TDRD12: variants seen among roughly 807,000 people sequenced by gnomAD.
TDRD12 encodes tudor domain containing 12.
In TDRD12, 158 loss-of-function variants were observed where a neutral mutation model predicts 133.5. The observed-to-expected ratio is 1.18, with a 90% CI of 1.04 to 1.35. TDRD12 has a LOEUF of 1.35. TDRD12 is among the 40% of genes most tolerant of loss of function. The pLI is 0.00. For synonymous variants in TDRD12, 460 were observed against 477.9 expected (o/e 0.96, Z 0.49); for missense variants, 1,443 against 1,321.3 (o/e 1.09, Z -1.43).
intron 9 of TDRD12, among the ~76,000 whole-genome samples, 176 bp downstream of exon 32, chr19:32,826,925 C>T (rs1967611789): frequency 6.6e-6 from 1 of 152,186 alleles, no homozygotes; most frequent in Admixed American, 6.5e-5. Context: ...GAGTACTTTT[C>T]AACCCTTGGT....
rs796987656 is a variant in TDRD12, at chr19:32,819,230, T to C, written c.3383+1073T>C. On this transcript the variant is annotated intron_variant, in intron 27 of 27. Coordinates refer to ENST00000444215, the Ensembl canonical transcript of TDRD12. ...TACTTGGGACACTGAGGTGGGAAGATTGGTTGAGCCCAGGAGGTTTAGGCT... is the reference window on the plus strand; with the variant it reads ...TACTTGGGACACTGAGGTGGGAAGACTGGTTGAGCCCAGGAGGTTTAGGCT... Among the ~76,000 whole-genome samples the C allele has an allele frequency of 1.4e-4, 21 of 151,776 alleles. 1 individual carries two copies. Among genetic ancestry groups the C allele is most frequent in the African/African-American group, 5.1e-4 (21 of 41,354 alleles).
At chr19:32,799,122 G>C (rs1230484719) in intron 16 of TDRD12, among the ~76,000 whole-genome samples, 1 of 152,196 alleles carries the variant, frequency 6.6e-6, no homozygotes, top group African/African-American at 2.4e-5. Context: ...GAGGCTTTGA[G>C]CTCTTGTAAG....
At chr19:32,758,349 C>T (rs967937194) in intron 8 of TDRD12, among the ~76,000 whole-genome samples, 1 of 151,980 alleles carries the variant, frequency 6.6e-6, no homozygotes, top group African/African-American at 2.4e-5. Flanking sequence ...AGCAAACACA[C>T]CACTCAAAGG....
At chr19:32,747,868 C>T (rs1259628342) in intron 4 of TDRD12, among the ~76,000 whole-genome samples, 5 of 151,980 alleles carry the variant, frequency 3.3e-5, no homozygotes, top group Admixed American at 1.3e-4. Context: ...TTTTTTTAAT[C>T]GCTGAGTGTG....
intron 8 of TDRD12, among the ~76,000 whole-genome samples, chr19:32,765,942 T>A (rs1970285820): frequency 6.6e-6 from 1 of 152,016 alleles, no homozygotes; most frequent in Non-Finnish European, 1.5e-5. Flanking sequence ...TATGTCCTCA[T>A]GATGAATTGA....
At chr19:32,792,182 G>C (rs755975506) in intron 13 of TDRD12, among the ~76,000 whole-genome samples, 8 of 151,928 alleles carry the variant, frequency 5.3e-5, no homozygotes, top group Non-Finnish European at 1.2e-4. Flanking sequence ...GGAGGCAGAG[G>C]TTGCAGTGAG....
intron 13 of TDRD12, among the ~76,000 whole-genome samples, chr19:32,792,066 T>G (rs1227250024): frequency 1.3e-5 from 2 of 151,646 alleles, no homozygotes; most frequent in Non-Finnish European, 2.9e-5. Context: ...GCCAACATGG[T>G]GAAACCCCGT....
At chr19:32,721,334 C>G (rs1968655547) in intron 1 of TDRD12, among the ~76,000 whole-genome samples, 1 of 152,098 alleles carries the variant, frequency 6.6e-6, no homozygotes, top group African/African-American at 2.4e-5. Flanking sequence ...TTCAGTGGGC[C>G]CAGGAGCTGG....
chr19:32,749,241 A>G (rs927457816), intron 5 of TDRD12, among the ~76,000 whole-genome samples: 1 of 151,992 alleles, frequency 6.6e-6, no homozygotes, highest in Non-Finnish European at 1.5e-5. Flanking sequence ...CTGCTGGGAG[A>G]TGAGAATGCG....
chr19:32,815,724 G>T lies in TDRD12; in HGVS notation c.3314+104G>T, dbSNP rs62126517. On this transcript the variant is annotated intron_variant, in intron 26 of 27. Coordinates refer to ENST00000444215, the Ensembl canonical transcript of TDRD12. ...GAAAGTAGAAGAGTTGGCTGGGTGC[G>T]GTGGCTCACACCTGTAATCCCAGCA... The T allele has an allele frequency of 2.6e-6, 3 of 1,143,054 alleles. No individual in the cohort carries two copies. In the East Asian group the frequency reaches 7.8e-5, roughly 30 times the overall value. 70.8% of individuals were successfully genotyped at this position (1,143,054 alleles called of 1,614,324 possible). A position where few individuals can be genotyped will look rare whatever the true frequency, so the allele number is the denominator to read the frequency against.
rs142292603 is a variant in TDRD12 at position 32,800,170 on chromosome 19, T to A, written c.1762T>A (p.Phe588Ile). 89 of 1,457,920 alleles carry A rather than the reference T, an allele frequency of 6.1e-5. No individual in the cohort carries two copies. The African/African-American group carries it at 9.2e-4, about 15-fold the overall frequency. 90.3% of individuals were successfully genotyped at this position (1,457,920 alleles called of 1,614,324 possible). Reference sequence around the variant, plus strand: ...ATTAATTATGCTAATTTTTCAGATGTTTGCTATATTAGATAACTTTAAAAA... The same window carrying A: ...ATTAATTATGCTAATTTTTCAGATGATTGCTATATTAGATAACTTTAAAAA... The change falls in exon 17 of 28, where the codon TTT becomes ATT. Residue 588 changes from phenylalanine to isoleucine, a missense_variant. Coordinates refer to ENST00000444215, the Ensembl canonical transcript of TDRD12.
chr19:32,794,221 G>T (rs535394014), intron 13 of TDRD12, among the ~76,000 whole-genome samples: 1 of 144,378 alleles, frequency 6.9e-6, no homozygotes, highest in African/African-American at 2.6e-5. Context: ...TTCTCCTGCC[G>T]CAGCCTCCAG....
At chr19:32,742,550 C>T (rs935440379) in intron 3 of TDRD12, among the ~76,000 whole-genome samples, 1 of 152,140 alleles carries the variant, frequency 6.6e-6, no homozygotes. Flanking sequence ...GTGCCATATC[C>T]GTGCTTTATG....
chr19:32,806,246 TTAAAGA>T (rs1333825310), intron 21 of TDRD12, among the ~76,000 whole-genome samples: 3 of 152,250 alleles, frequency 2.0e-5, no homozygotes. Context: ...TGGATTGAAT[TTAAAGA>T]TAACTGTTGA....
chr19:32,721,398 T>TG (rs1442802635), intron 1 of TDRD12, among the ~76,000 whole-genome samples: 1 of 152,004 alleles, frequency 6.6e-6, no homozygotes, highest in African/African-American at 2.4e-5. Context: ...TTCATTTATT[T>TG]TTTTGAGATG....
intron 11 of TDRD12, among the ~76,000 whole-genome samples, chr19:32,778,461 G>T (rs1158009792): frequency 4.6e-5 from 7 of 151,766 alleles, no homozygotes; most frequent in Admixed American, 6.6e-5. Flanking sequence ...TTATAACCTG[G>T]CAAATTAACC....
exon 10 of TDRD12, chr19:32,827,372 C>CTTT (rs549327733): frequency 8.2e-4 from 100 of 122,380 alleles, no homozygotes; most frequent in East Asian, 2.4e-3. Flanking sequence ...CTTTTCTTTT[C>CTTT]TTTTTTTTTT....
exon 18 of TDRD12, chr19:32,800,674 ACTT>A (rs757029158): frequency 2.0e-5 from 30 of 1,535,414 alleles, no homozygotes; most frequent in African/African-American, 1.1e-4. Flanking sequence ...ATGTGAAAAA[ACTT>A]CTTCTTTACT....
chr19:32,760,124 G>A (rs900157076), intron 8 of TDRD12, among the ~76,000 whole-genome samples: 1 of 152,196 alleles, frequency 6.6e-6, no homozygotes, highest in African/African-American at 2.4e-5. Context: ...TTATTGCGTG[G>A]CTTTCCATTG....
Sources: allele counts gnomAD v4.1 joint callset (sites outside exome capture counted in the v4.1 genomes callset), GRCh38; gene constraint gnomAD v4.1.1; transcripts MANE v1.5; gene names NCBI Gene and HGNC (gene_info 2026-07-23, HGNC 2026-07-21).